Variants in DPYD observed in about 807,000 individuals in gnomAD.
The protein encoded by DPYD is dihydropyrimidine dehydrogenase [NADP(+)].
DPYD carries 109 observed loss-of-function variants against 116.2 expected under a neutral mutation model. The ratio of observed to expected loss-of-function variants is 0.94; its 90% CI spans 0.80 to 1.10. DPYD has a LOEUF of 1.10. Ranked by LOEUF, DPYD falls within the 50% of genes least tolerant of loss-of-function variation. The probability of loss-of-function intolerance (pLI) is 0.00; values close to 1 mark genes in which losing one functional copy is unlikely to be tolerated. For missense variants in DPYD, 1,302 were observed against 1,254.5 expected, an observed-to-expected ratio of 1.04 and a Z score of -0.57; for synonymous variants, 440 against 432.0, an observed-to-expected ratio of 1.02 and a Z score of -0.23.
intron 20 of DPYD, among the ~76,000 whole-genome samples, chr1:97,099,460 T>A (rs1457310998): frequency 1.3e-5 from 2 of 152,088 alleles, no homozygotes; most frequent in African/African-American, 4.8e-5. Flanking sequence ...ATACCATTCA[T>A]TATCCCACAA....
intron 16 of DPYD, among the ~76,000 whole-genome samples, chr1:97,370,987 G>A (rs976327417): frequency 6.6e-6 from 1 of 152,084 alleles, no homozygotes; most frequent in African/African-American, 2.4e-5. Context: ...CCATAATGTT[G>A]CAGAGTATGG....
intron 8 of DPYD, among the ~76,000 whole-genome samples, chr1:97,598,876 G>A (rs568707331): frequency 6.6e-6 from 1 of 152,132 alleles, no homozygotes; most frequent in Non-Finnish European, 1.5e-5. Flanking sequence ...AAGAAGCAGC[G>A]CCAATTTCTA....
intron 13 of DPYD, among the ~76,000 whole-genome samples, chr1:97,483,040 C>T (rs940471471): frequency 6.6e-6 from 1 of 152,120 alleles, no homozygotes; most frequent in African/African-American, 2.4e-5. Flanking sequence ...TTGACTTTTC[C>T]CGAATCACAG....
chr1:97,863,996 T>A (rs1671248525), intron 2 of DPYD, among the ~76,000 whole-genome samples: 1 of 151,906 alleles, frequency 6.6e-6, no homozygotes, highest in African/African-American at 2.4e-5. Flanking sequence ...CACAATAAAA[T>A]GCCAGGAACT....
chr1:97,451,963 G>A (rs1235543890), intron 13 of DPYD, among the ~76,000 whole-genome samples: 1 of 152,108 alleles, frequency 6.6e-6, no homozygotes, highest in African/African-American at 2.4e-5. Context: ...GAGGAGTGAA[G>A]TCTGTATTTA....
At chr1:97,595,718 A>G (rs1376383406) in intron 8 of DPYD, among the ~76,000 whole-genome samples, 1 of 151,998 alleles carries the variant, frequency 6.6e-6, no homozygotes, top group East Asian at 1.9e-4. Context: ...TAATAATTAA[A>G]TGTCTTTACT....
chr1:97,720,564 C>T (rs1475674897), intron 5 of DPYD: 41 of 1,056,692 alleles, frequency 3.9e-5, no homozygotes, highest in Non-Finnish European at 4.6e-5. Context: ...ATTAACCTGT[C>T]AGAAAGCAGG....
intron 1 of DPYD, among the ~76,000 whole-genome samples, chr1:97,885,813 T>C (rs1672458467): frequency 6.6e-6 from 1 of 152,102 alleles, no homozygotes; most frequent in Non-Finnish European, 1.5e-5. Flanking sequence ...ATGAGGGCTA[T>C]ATTTAAAAGT....
intron 13 of DPYD, among the ~76,000 whole-genome samples, chr1:97,473,389 A>T (rs1210038463): frequency 6.6e-6 from 1 of 152,194 alleles, no homozygotes; most frequent in African/African-American, 2.4e-5. Context: ...ATCAATGGAC[A>T]CTTAGGTTGT....
At chr1:97,619,375 T>C (rs1487281786) in intron 8 of DPYD, among the ~76,000 whole-genome samples, 1 of 152,166 alleles carries the variant, frequency 6.6e-6, no homozygotes, top group Non-Finnish European at 1.5e-5. Context: ...CAAAATACCA[T>C]GTTCTGTTTG....
At chr1:97,780,053 G>A (rs912435748) in intron 3 of DPYD, among the ~76,000 whole-genome samples, 15 of 152,126 alleles carry the variant, frequency 9.9e-5, no homozygotes, top group African/African-American at 2.9e-4. Flanking sequence ...ATCAAGTTAT[G>A]TTTTATAATT....
intron 1 of DPYD, among the ~76,000 whole-genome samples, chr1:97,899,248 T>C (rs974579513): frequency 1.3e-5 from 2 of 151,846 alleles, no homozygotes; most frequent in Non-Finnish European, 2.9e-5. Context: ...ACTATATGTA[T>C]ACATGACTAA....
At chr1:97,627,867 T>C (rs902160090) in intron 8 of DPYD, among the ~76,000 whole-genome samples, 22 of 151,858 alleles carry the variant, frequency 1.4e-4, no homozygotes, top group African/African-American at 5.3e-4. Context: ...AAAATAACAT[T>C]ATAATACTAT....
chr1:97,715,644 T>C (rs79109923), intron 5 of DPYD, among the ~76,000 whole-genome samples: 4 of 152,248 alleles, frequency 2.6e-5, no homozygotes, highest in African/African-American at 7.2e-5. Flanking sequence ...TCCTGATCAT[T>C]ATCTAACCTA....
chr1:97,113,438 T>C (rs1163035150), intron 20 of DPYD, among the ~76,000 whole-genome samples: 1 of 152,106 alleles, frequency 6.6e-6, no homozygotes, highest in Non-Finnish European at 1.5e-5. Flanking sequence ...GAAGAAGAAG[T>C]GAATTTAATG....
At chr1:97,790,191 T>C (rs936718520) in intron 3 of DPYD, among the ~76,000 whole-genome samples, 6 of 152,202 alleles carry the variant, frequency 3.9e-5, no homozygotes, top group Non-Finnish European at 5.9e-5. Context: ...TTTCTGGTAT[T>C]GGAGAAAAAT....
intron 20 of DPYD, among the ~76,000 whole-genome samples, chr1:97,153,973 C>CA (rs60741755): frequency 0.01 from 1,319 of 126,194 alleles, 13 homozygotes; most frequent in Middle Eastern, 0.032. Context: ...TGGCCATGAT[C>CA]AAAAAAAAAA....
intron 3 of DPYD, among the ~76,000 whole-genome samples, chr1:97,798,886 T>C (rs1182597407): frequency 6.6e-5 from 10 of 152,034 alleles, no homozygotes; most frequent in Non-Finnish European, 1.3e-4. Flanking sequence ...AAAGGTGGTA[T>C]TGAAAAAAGA....
intron 18 of DPYD, among the ~76,000 whole-genome samples, chr1:97,246,606 A>G (rs1662735596): frequency 6.6e-6 from 1 of 152,172 alleles, no homozygotes; most frequent in Non-Finnish European, 1.5e-5. Flanking sequence ...CGTTAACAGC[A>G]AAACTAAAGT....
Sources: gnomAD v4.1 joint callset for allele counts (sites outside exome capture counted in the v4.1 genomes callset) on GRCh38, gnomAD v4.1.1 for gene constraint, MANE v1.5 for transcripts, NCBI Gene and HGNC (gene_info 2026-07-23, HGNC 2026-07-21) for gene names.